ERBB4: variants seen among roughly 807,000 people sequenced by gnomAD.
The protein encoded by ERBB4 is erb-b2 receptor tyrosine kinase 4, also known as receptor tyrosine-protein kinase erbB-4.
A neutral mutation model predicts 158.0 loss-of-function variants in ERBB4; 42 were observed. The observed-to-expected ratio is 0.27, with a 90% CI of 0.21 to 0.34. The LOEUF is 0.34. Ranked by LOEUF, ERBB4 falls within the 10% of genes least tolerant of loss-of-function variation. ERBB4 has a pLI of 1.00. For missense variants in ERBB4, 1,333 were observed against 1,624.1 expected, an observed-to-expected ratio of 0.82 and a Z score of 3.08; for synonymous variants, 583 against 558.7, an observed-to-expected ratio of 1.04 and a Z score of -0.61.
At chr2:212,247,195 T>G (rs2084340388) in intron 1 of ERBB4, among the ~76,000 whole-genome samples, 1 of 152,186 alleles carries the variant, frequency 6.6e-6, no homozygotes, top group Non-Finnish European at 1.5e-5. Flanking sequence ...ATGGATGCCT[T>G]ATTGTATCTT....
At chr2:212,262,342 C>CA (rs1197925772) in intron 1 of ERBB4, among the ~76,000 whole-genome samples, 1 of 152,082 alleles carries the variant, frequency 6.6e-6, no homozygotes, top group Non-Finnish European at 1.5e-5. Flanking sequence ...CCACGCATTG[C>CA]AAGCCTTGTT....
chr2:211,808,703 A>G (rs1166557536), intron 3 of ERBB4, among the ~76,000 whole-genome samples: 7 of 152,200 alleles, frequency 4.6e-5, no homozygotes, highest in Non-Finnish European at 7.3e-5. Flanking sequence ...CATTGAATCT[A>G]TAAATCACTT....
chr2:211,873,200 T>A (rs200876019), intron 3 of ERBB4, among the ~76,000 whole-genome samples: 3 of 152,142 alleles, frequency 2.0e-5, no homozygotes, highest in East Asian at 3.8e-4. Flanking sequence ...CTCTCCCATC[T>A]CTCAGCATCA....
intron 25 of ERBB4, among the ~76,000 whole-genome samples, chr2:211,400,213 C>T (rs1256720557): frequency 6.6e-6 from 1 of 152,068 alleles, no homozygotes; most frequent in Admixed American, 6.6e-5. Context: ...ATAATAATGC[C>T]TGTGTTGGGT....
At chr2:212,504,108 T>A (rs139073912) in intron 1 of ERBB4, among the ~76,000 whole-genome samples, 43 of 152,288 alleles carry the variant, frequency 2.8e-4, no homozygotes, top group African/African-American at 9.9e-4. Flanking sequence ...AATTTTATGC[T>A]CTTACATACT....
At chr2:211,715,522 T>A (rs2073865709) in intron 7 of ERBB4, among the ~76,000 whole-genome samples, 1 of 152,190 alleles carries the variant, frequency 6.6e-6, no homozygotes, top group Non-Finnish European at 1.5e-5. Context: ...CCAAATCTCA[T>A]GTCGAATTAT....
chr2:212,067,487 G>T (rs2077979292), intron 2 of ERBB4, among the ~76,000 whole-genome samples: 2 of 151,874 alleles, frequency 1.3e-5, no homozygotes. Context: ...TCCAATATCT[G>T]GTTACAACTC....
chr2:211,740,405 T>C (rs1434759503), intron 5 of ERBB4, among the ~76,000 whole-genome samples: 2 of 152,052 alleles, frequency 1.3e-5, no homozygotes, highest in Admixed American at 6.6e-5. Context: ...TTGAGTAATA[T>C]ATAAAATTTA....
intron 3 of ERBB4, among the ~76,000 whole-genome samples, chr2:211,879,375 C>T (rs1255112463): frequency 6.6e-6 from 1 of 152,100 alleles, no homozygotes; most frequent in East Asian, 1.9e-4. Flanking sequence ...AGGGAGTTCC[C>T]ATTGAAAGCA....
At chr2:212,326,205 A>C (rs1264950463) in intron 1 of ERBB4, among the ~76,000 whole-genome samples, 1 of 150,788 alleles carries the variant, frequency 6.6e-6, no homozygotes, top group Non-Finnish European at 1.5e-5. Flanking sequence ...AAAGCAAAAG[A>C]ATATCAAGAA....
At chr2:211,854,679 C>G (rs1054439543) in intron 3 of ERBB4, among the ~76,000 whole-genome samples, 1 of 152,096 alleles carries the variant, frequency 6.6e-6, no homozygotes, top group Non-Finnish European at 1.5e-5. Context: ...TCCACTTTCA[C>G]GACTGTATAG....
At chr2:212,148,551 G>A (rs2080759728) in intron 1 of ERBB4, among the ~76,000 whole-genome samples, 2 of 152,154 alleles carry the variant, frequency 1.3e-5, no homozygotes, top group South Asian at 2.1e-4. Flanking sequence ...GAAATGTGGA[G>A]AGATGGAGAT....
chr2:212,460,199 CTCTT>C (rs1688501313), intron 1 of ERBB4, among the ~76,000 whole-genome samples: 3 of 152,288 alleles, frequency 2.0e-5, no homozygotes, highest in East Asian at 1.9e-4. Context: ...CCAATTAAAC[CTCTT>C]TCTTTTGTAA....
rs537423126 is a variant in ERBB4, at chr2:211,733,694, ACTTT to A, written c.623-8504_623-8501del. On this transcript the variant is annotated intron_variant, in intron 5 of 27. Transcript: ENST00000342788. ...AACAAAAACCAAAAAAAAAAAATTT[ACTTT>A]CTTTCTTTTGCTTATTCTAGTTCCC... Among the ~76,000 whole-genome samples, 564 of 151,470 alleles carry A rather than the reference ACTTT, an allele frequency of 3.7e-3. 15 individuals are homozygous for A. Among genetic ancestry groups the A allele is most frequent in the African/African-American group, 0.013 (545 of 40,850 alleles).
At chr2:211,478,224 T>G (rs1245535703) in intron 20 of ERBB4, among the ~76,000 whole-genome samples, 1 of 152,176 alleles carries the variant, frequency 6.6e-6, no homozygotes, top group Non-Finnish European at 1.5e-5. Flanking sequence ...CAATAGTCTA[T>G]GCCAGCATTG....
intron 7 of ERBB4, among the ~76,000 whole-genome samples, chr2:211,719,612 T>G (rs13418510): frequency 6.6e-6 from 1 of 151,920 alleles, no homozygotes; most frequent in African/African-American, 2.4e-5. Flanking sequence ...TCCCAGCACT[T>G]TGGGAGGCCG....
intron 2 of ERBB4, among the ~76,000 whole-genome samples, chr2:212,017,897 G>T (rs1179798330): frequency 1.3e-5 from 2 of 152,002 alleles, no homozygotes; most frequent in East Asian, 1.9e-4. Flanking sequence ...TTTCTATCTT[G>T]ATTTCTAACA....
At chr2:211,791,862 C>A (rs2076285476) in intron 3 of ERBB4, among the ~76,000 whole-genome samples, 1 of 151,716 alleles carries the variant, frequency 6.6e-6, no homozygotes, top group Non-Finnish European at 1.5e-5. Context: ...TAGATTAATG[C>A]ATGCAAGTTG....
intron 19 of ERBB4, among the ~76,000 whole-genome samples, chr2:211,578,312 A>G (rs1457189541): frequency 1.3e-5 from 2 of 152,212 alleles, no homozygotes; most frequent in Non-Finnish European, 2.9e-5. Context: ...GAGGACACAA[A>G]CAAGTGGAAA....
Sources: allele counts gnomAD v4.1 joint callset (sites outside exome capture counted in the v4.1 genomes callset), GRCh38; gene constraint gnomAD v4.1.1; transcripts MANE v1.5; gene names NCBI Gene and HGNC (gene_info 2026-07-23, HGNC 2026-07-21).